DIAPH3: variants seen among roughly 807,000 people sequenced by gnomAD.
The protein encoded by DIAPH3 is diaphanous related formin 3.
In DIAPH3, 117 loss-of-function variants were observed where a neutral mutation model predicts 144.3. The observed-to-expected ratio is 0.81, with a 90% CI of 0.70 to 0.95. DIAPH3 has a LOEUF of 0.95. DIAPH3 is among the 40% of genes least tolerant of loss of function. The pLI, the probability that DIAPH3 is intolerant of heterozygous loss-of-function variation, is 0.00. For synonymous variants in DIAPH3, 519 were observed against 488.9 expected (o/e 1.06, Z -0.81); for missense variants, 1,421 against 1,412.7 (o/e 1.01, Z -0.09).
intron 20 of DIAPH3, among the ~76,000 whole-genome samples, chr13:59,888,601 T>G (rs1304194806): frequency 6.6e-6 from 1 of 152,120 alleles, no homozygotes; most frequent in Non-Finnish European, 1.5e-5. Context: ...TTATAAACCC[T>G]GTTACGCAAT....
intron 27 of DIAPH3, among the ~76,000 whole-genome samples, chr13:59,674,586 T>C (rs76919215): frequency 0.021 from 3,197 of 152,284 alleles, 82 homozygotes; most frequent in East Asian, 0.12. Flanking sequence ...CTACCTTCTC[T>C]CCATCACGAT....
intron 27 of DIAPH3, among the ~76,000 whole-genome samples, chr13:59,723,789 A>G (rs1425741929): frequency 6.7e-6 from 1 of 148,530 alleles, no homozygotes; most frequent in Non-Finnish European, 1.5e-5. Flanking sequence ...TTTTTTTTGT[A>G]TTTTTAGTAG....
rs566724423 is a variant in DIAPH3, at chr13:60,069,165, A to G, written c.495+24463T>C. Among the ~76,000 whole-genome samples the G allele has an allele frequency of 3.1e-4, 47 of 152,262 alleles. No individual in the cohort carries two copies. The East Asian group carries it at 7.9e-3, about 26-fold the overall frequency. On this transcript the variant is annotated intron_variant, in intron 4 of 27. Transcript: ENST00000400324. ...GCACCAGTTATTTTTTGACTTTTTA[A>G]TAACAGCCATTCCGACTGGTGTGAG...
chr13:60,069,207 G>T (rs1403712029), intron 4 of DIAPH3, among the ~76,000 whole-genome samples: 1 of 152,094 alleles, frequency 6.6e-6, no homozygotes, highest in Admixed American at 6.6e-5. Flanking sequence ...TCTCATTGTG[G>T]TTTAGCTTTG....
intron 20 of DIAPH3, among the ~76,000 whole-genome samples, chr13:59,894,928 T>C (rs2046004657): frequency 6.6e-6 from 1 of 151,908 alleles, no homozygotes; most frequent in Admixed American, 6.6e-5. Flanking sequence ...ACATAAAACT[T>C]CAGTAATGCC....
intron 3 of DIAPH3, among the ~76,000 whole-genome samples, chr13:60,103,306 CT>C (rs2058324583): frequency 6.6e-6 from 1 of 151,978 alleles, no homozygotes; most frequent in Admixed American, 6.6e-5. Context: ...TCATTCATGG[CT>C]GTGGATTTTG....
At chr13:59,941,842 AAAG>A (rs1212008883) in intron 17 of DIAPH3, among the ~76,000 whole-genome samples, 3 of 108,834 alleles carry the variant, frequency 2.8e-5, no homozygotes, top group African/African-American at 7.7e-5. Context: ...ATAAGGCAGC[AAAG>A]AAGGATGGCA....
At chr13:59,735,624 C>T (rs186623957) in intron 27 of DIAPH3, among the ~76,000 whole-genome samples, 1 of 152,172 alleles carries the variant, frequency 6.6e-6, no homozygotes, top group Admixed American at 6.6e-5. Flanking sequence ...AAGATGGTAA[C>T]TGATGCTTTA....
chr13:59,977,202 A>G (rs2050728134), intron 14 of DIAPH3, among the ~76,000 whole-genome samples: 2 of 151,812 alleles, frequency 1.3e-5, no homozygotes, highest in African/African-American at 4.8e-5. Flanking sequence ...ACAACCCTAA[A>G]TCAATTAAAA....
chr13:60,139,921 G>A (rs2059389834), intron 1 of DIAPH3, among the ~76,000 whole-genome samples: 1 of 152,092 alleles, frequency 6.6e-6, no homozygotes, highest in South Asian at 2.1e-4. Context: ...ACATGTCCAG[G>A]GAAAAGCAAA....
At chr13:59,972,133 C>A (rs991508496) in intron 15 of DIAPH3, among the ~76,000 whole-genome samples, 1 of 151,968 alleles carries the variant, frequency 6.6e-6, no homozygotes, top group Non-Finnish European at 1.5e-5. Context: ...GGAAGAAATG[C>A]GTAGGATAAA....
At chr13:59,946,568 C>A (rs1400399129) in intron 17 of DIAPH3, among the ~76,000 whole-genome samples, 1 of 152,004 alleles carries the variant, frequency 6.6e-6, no homozygotes, top group Non-Finnish European at 1.5e-5. Context: ...AAGTAGCACA[C>A]AAATAAACAA....
intron 25 of DIAPH3, among the ~76,000 whole-genome samples, chr13:59,779,147 T>C (rs528125029): frequency 1.3e-5 from 2 of 152,306 alleles, no homozygotes; most frequent in South Asian, 4.1e-4. Context: ...GCTCTCATCC[T>C]CCAGAGCAGA....
At chr13:59,983,350 G>T (rs562526240) in intron 13 of DIAPH3, among the ~76,000 whole-genome samples, 1 of 151,612 alleles carries the variant, frequency 6.6e-6, no homozygotes, top group South Asian at 2.1e-4. Flanking sequence ...TGCAGCAGAA[G>T]TACTGTATGT....
Position 59,901,665 on chromosome 13 carries a change from G to C in DIAPH3, c.2367+10070C>G, listed in dbSNP as rs141075132. The stretch of plus-strand genomic sequence containing the variant: ...AGTCTGCAGCAATACCTAGCACACA[G>C]TAGGTGTTCAATAAATATTTGTCAA... On this transcript the variant is annotated intron_variant, in intron 20 of 27. Coordinates refer to ENST00000400324, the MANE Select transcript of DIAPH3 (RefSeq NM_001042517.2). Among the ~76,000 whole-genome samples, 568 of 152,318 alleles carry C rather than the reference G, an allele frequency of 3.7e-3. 3 individuals are homozygous for C. The highest frequency in any genetic ancestry group is 0.012 in the African/African-American group (502 of 41,574).
At chr13:59,799,090 A>G (rs1036343606) in intron 25 of DIAPH3, among the ~76,000 whole-genome samples, 2 of 152,154 alleles carry the variant, frequency 1.3e-5, no homozygotes, top group African/African-American at 4.8e-5. Flanking sequence ...AATCATTAAC[A>G]TAAGGAAGCC....
intron 4 of DIAPH3, among the ~76,000 whole-genome samples, chr13:60,062,819 T>C (rs958001922): frequency 2.0e-5 from 3 of 152,200 alleles, no homozygotes; most frequent in Non-Finnish European, 2.9e-5. Context: ...ACAACATACA[T>C]AATTTTAAAA....
intron 25 of DIAPH3, among the ~76,000 whole-genome samples, chr13:59,783,509 T>A (rs2089274239): frequency 6.6e-6 from 1 of 152,120 alleles, no homozygotes; most frequent in African/African-American, 2.4e-5. Context: ...AGGAATTGGT[T>A]ACACTAATAC....
At chr13:60,005,566 C>T (rs1446270200) in intron 9 of DIAPH3, among the ~76,000 whole-genome samples, 3 of 152,034 alleles carry the variant, frequency 2.0e-5, no homozygotes, top group Admixed American at 6.6e-5. Context: ...CTGAAAGCTC[C>T]GCCTCCTGGG....
Sources: allele counts gnomAD v4.1 joint callset (sites outside exome capture counted in the v4.1 genomes callset), GRCh38; gene constraint gnomAD v4.1.1; transcripts MANE v1.5; gene names NCBI Gene and HGNC (gene_info 2026-07-23, HGNC 2026-07-21).